The following MYO9A variants were observed in gnomAD, a reference collection of about 807,000 sequenced individuals.
MYO9A encodes the protein myosin IXA, also known as unconventional myosin-IXa.
MYO9A carries 103 observed loss-of-function variants against 293.3 expected under a neutral mutation model. The ratio of observed to expected loss-of-function variants is 0.35; its 90% CI spans 0.30 to 0.41. The LOEUF is 0.41. Ranked by LOEUF, MYO9A falls within the 10% of genes least tolerant of loss-of-function variation. MYO9A has a pLI of 1.00. For missense variants in MYO9A, 2,685 were observed against 3,033.0 expected (o/e 0.89, Z 2.69); for synonymous variants, 1,001 against 1,035.7 (o/e 0.97, Z 0.64).
intron 19 of MYO9A, among the ~76,000 whole-genome samples, chr15:71,906,093 T>C (rs970781951): frequency 1.3e-5 from 2 of 152,194 alleles, no homozygotes; most frequent in African/African-American, 4.8e-5. Context: ...CTCTAAAATA[T>C]GTATTATTTA....
At chr15:71,954,244 A>G (rs980496804) in intron 14 of MYO9A, among the ~76,000 whole-genome samples, 4 of 151,928 alleles carry the variant, frequency 2.6e-5, no homozygotes, top group East Asian at 1.9e-4. Context: ...TCTGTCGCCC[A>G]GGCTGGAGTG....
intron 38 of MYO9A, among the ~76,000 whole-genome samples, chr15:71,849,236 G>A (rs1287852119): frequency 1.3e-5 from 2 of 152,098 alleles, no homozygotes; most frequent in Non-Finnish European, 2.9e-5. Flanking sequence ...GATCACCTGA[G>A]GTCAGGAGTT....
intron 9 of MYO9A, among the ~76,000 whole-genome samples, chr15:71,994,978 C>G (rs1293458135): frequency 6.6e-6 from 1 of 152,126 alleles, no homozygotes; most frequent in Non-Finnish European, 1.5e-5. Flanking sequence ...GTGATTCACC[C>G]GTCTTGGCCT....
intron 1 of MYO9A, among the ~76,000 whole-genome samples, chr15:72,057,074 T>C (rs2078742754): frequency 6.6e-6 from 1 of 151,458 alleles, no homozygotes; most frequent in Non-Finnish European, 1.5e-5. Context: ...ACCACCGTAC[T>C]CCAGCCTGGG....
At chr15:71,971,100 G>C (rs533488000) in intron 12 of MYO9A, among the ~76,000 whole-genome samples, 1 of 151,966 alleles carries the variant, frequency 6.6e-6, no homozygotes, top group East Asian at 1.9e-4. Context: ...AGCAGAGCTT[G>C]CAGTGAGCTG....
At chr15:72,026,810 TA>T (rs1012890794) in intron 4 of MYO9A, among the ~76,000 whole-genome samples, 7 of 152,160 alleles carry the variant, frequency 4.6e-5, no homozygotes, top group Non-Finnish European at 8.8e-5. Flanking sequence ...AGGGATACTA[TA>T]AAACAAGTTT....
At chr15:71,962,059 G>A (rs540813961) in intron 13 of MYO9A, among the ~76,000 whole-genome samples, 5 of 152,254 alleles carry the variant, frequency 3.3e-5, no homozygotes, top group African/African-American at 7.2e-5. Flanking sequence ...AAGAAGGATT[G>A]TAAATAGGCA....
At position 72,045,864 on chromosome 15, in the gene MYO9A, A is replaced by G; in HGVS notation, c.700T>C (p.Cys234Arg). The stretch of plus-strand genomic sequence containing the variant: ...CCACTCTCTCCTGAAATCACGATGC[A>G]CTGATTCTTTTTGCGCTGAAGCATG... Reference protein sequence around the residue: ...HAMLQRKKNQCIVISGESGSG... With the variant: ...HAMLQRKKNQRIVISGESGSG... Residue 234 changes from cysteine (C) to arginine (R), a missense_variant, in exon 2 of 42, where the codon TGC becomes CGC. Cys to Arg is a radical substitution (Grantham distance 180, BLOSUM62 -3). This residue lies in a region of MYO9A where 289 missense variants were observed against 456.8 expected (regional missense o/e 0.63). Coordinates refer to ENST00000356056, the MANE Select transcript of MYO9A (RefSeq NM_006901.4). The G allele has an allele frequency of 6.2e-7, 1 of 1,614,086 alleles. No individual in the cohort carries two copies. The highest frequency in any genetic ancestry group is 8.5e-7 in the Non-Finnish European group (1 of 1,180,024).
intron 4 of MYO9A, among the ~76,000 whole-genome samples, chr15:72,023,177 C>T (rs191524645): frequency 2.0e-5 from 3 of 152,152 alleles, no homozygotes; most frequent in Admixed American, 2.0e-4. Flanking sequence ...AGGAGCTCAA[C>T]AGCAAATATG....
chr15:71,843,782 A>C (rs1337102873), intron 39 of MYO9A, among the ~76,000 whole-genome samples: 2 of 152,162 alleles, frequency 1.3e-5, no homozygotes, highest in African/African-American at 2.4e-5. Context: ...CTTTTTGGCT[A>C]TTCTTATTGA....
In MYO9A at chr15:71,999,963, C is replaced by G. The variant is rs781397261; in HGVS notation, c.1381-23G>C. ...AACCTATAAAACAGAAAAGTAAACT[C>G]AATATGTAAGATTTATGACAATAGG... On this transcript the variant is annotated intron_variant, in intron 8 of 41. Transcript: ENST00000356056. The G allele has an allele frequency of 2.6e-6, 4 of 1,566,646 alleles. No homozygotes were observed. In the East Asian group the frequency reaches 9.1e-5, roughly 36 times the overall value.
intron 6 of MYO9A, among the ~76,000 whole-genome samples, chr15:72,011,654 C>G (rs972341360): frequency 6.6e-6 from 1 of 152,080 alleles, no homozygotes; most frequent in Non-Finnish European, 1.5e-5. Flanking sequence ...TAAGCATAAT[C>G]CTTGCATTTC....
At chr15:71,856,802 C>T (rs1429802335) in intron 34 of MYO9A, among the ~76,000 whole-genome samples, 1 of 152,128 alleles carries the variant, frequency 6.6e-6, no homozygotes, top group Non-Finnish European at 1.5e-5. Flanking sequence ...GAATAGGACA[C>T]AATCTTGGAA....
At chr15:71,943,994 G>C (rs1021070228) in intron 15 of MYO9A, among the ~76,000 whole-genome samples, 1 of 152,128 alleles carries the variant, frequency 6.6e-6, no homozygotes, top group African/African-American at 2.4e-5. Context: ...GACAGTAGGA[G>C]AGCTCCAGTT....
intron 2 of MYO9A, among the ~76,000 whole-genome samples, chr15:72,037,715 C>A (rs575841402): frequency 1.5e-4 from 23 of 152,168 alleles, no homozygotes; most frequent in Non-Finnish European, 1.0e-4. Flanking sequence ...AAGAAAACAA[C>A]CACAAACCTT....
At chr15:71,899,300 T>C (rs1301872912) in intron 24 of MYO9A, among the ~76,000 whole-genome samples, 1 of 152,230 alleles carries the variant, frequency 6.6e-6, no homozygotes, top group Non-Finnish European at 1.5e-5. Context: ...AATAATGCCT[T>C]TATTTTAAAG....
At chr15:71,971,023 T>C (rs1160828272) in intron 12 of MYO9A, among the ~76,000 whole-genome samples, 1 of 151,726 alleles carries the variant, frequency 6.6e-6, no homozygotes, top group African/African-American at 2.4e-5. Context: ...TAGCCGGGCA[T>C]GGGGGCGGGC....
intron 1 of MYO9A, among the ~76,000 whole-genome samples, chr15:72,106,884 A>G (rs1385175496): frequency 6.6e-6 from 1 of 152,258 alleles, no homozygotes; most frequent in Non-Finnish European, 1.5e-5. Flanking sequence ...TTTTGAACAT[A>G]GTACTACTTA....
chr15:71,890,248 T>C (rs376587898), intron 26 of MYO9A: 4 of 151,836 alleles, frequency 2.6e-5, no homozygotes, highest in South Asian at 2.1e-4. Context: ...ATAGCAGAAA[T>C]AGGAATATAA....
Sources: gnomAD v4.1 joint callset for allele counts (sites outside exome capture counted in the v4.1 genomes callset) on GRCh38, gnomAD v4.1.1 for gene constraint, gnomAD v4.1.1 regional missense constraint, MANE v1.5 for transcripts, NCBI Gene and HGNC (gene_info 2026-07-23, HGNC 2026-07-21) for gene names.